ZNF638: variants seen among roughly 807,000 people sequenced by gnomAD.
ZNF638 encodes CTCL tumor antigen se33-1.
ZNF638 carries 46 observed loss-of-function variants against 195.6 expected under a neutral mutation model. The observed-to-expected ratio is 0.24, with a 90% CI of 0.19 to 0.30. ZNF638 has a LOEUF of 0.30. Among genes scored for constraint, ZNF638 ranks in the 10% least tolerant of loss-of-function variants. The pLI is 1.00. For synonymous variants in ZNF638, 845 were observed against 772.0 expected, an observed-to-expected ratio of 1.09 and a Z score of -1.57; for missense variants, 2,440 against 2,325.3, an observed-to-expected ratio of 1.05 and a Z score of -1.01.
chr2:71,365,763 C>T (rs2079185716), intron 6 of ZNF638, 57 bp downstream of exon 6: 1 of 1,464,716 alleles, frequency 6.8e-7, no homozygotes, highest in Non-Finnish European at 9.2e-7. Context: ...GTCATCCTCG[C>T]TGGACTGCAG....
At chr2:71,406,033 A>T in intron 18 of ZNF638, 95 bp from the exon 19 acceptor site, 1 of 1,441,352 alleles carries the variant, frequency 6.9e-7, no homozygotes, top group Non-Finnish European at 9.5e-7. Context: ...AGAGAACATC[A>T]TCTGACCTCT....
chr2:71,383,762 CTTTTTTTTTT>C (rs1181570876), intron 10 of ZNF638, among the ~76,000 whole-genome samples: 9 of 76,720 alleles, frequency 1.2e-4, no homozygotes, highest in Non-Finnish European at 1.9e-4. Flanking sequence ...TTTTCTTTTT[CTTTTTTTTTT>C]TTTTTTTTTA....
chr2:71,357,113 C>T (rs2079036755), intron 3 of ZNF638, among the ~76,000 whole-genome samples: 1 of 152,120 alleles, frequency 6.6e-6, no homozygotes, highest in South Asian at 2.1e-4. Context: ...TCGGGAGGTT[C>T]TGAGAATATA....
At chr2:71,418,888 T>G (rs1002948587) in intron 21 of ZNF638, among the ~76,000 whole-genome samples, 1 of 152,210 alleles carries the variant, frequency 6.6e-6, no homozygotes, top group Non-Finnish European at 1.5e-5. Flanking sequence ...ATAAACAGTT[T>G]GAATTAAATA....
chr2:71,368,557 C>T (rs1288564595), intron 7 of ZNF638, 29 bp downstream of exon 7: 2 of 1,607,206 alleles, frequency 1.2e-6, no homozygotes, highest in East Asian at 2.2e-5. Flanking sequence ...GGCAAAAATT[C>T]ATACAAAGTG....
intron 8 of ZNF638, chr2:71,375,228 T>G (rs1255472122): frequency 1.3e-5 from 2 of 152,220 alleles, no homozygotes; most frequent in African/African-American, 4.8e-5. Flanking sequence ...AATTTTATCA[T>G]TTAGGATTTC....
At chr2:71,403,568 C>T (rs544440666) in intron 16 of ZNF638, among the ~76,000 whole-genome samples, 1 of 152,196 alleles carries the variant, frequency 6.6e-6, no homozygotes, top group South Asian at 2.1e-4. Context: ...GCTCTATGTA[C>T]TAAGGATACA....
At chr2:71,393,679 C>T (rs537648525) in intron 10 of ZNF638, 17 of 710,976 alleles carry the variant, frequency 2.4e-5, no homozygotes, top group Non-Finnish European at 4.2e-5. Flanking sequence ...CCTTTTTATG[C>T]TCTCGCTTCC....
chr2:71,366,182 T>G (rs2079196285), intron 6 of ZNF638, among the ~76,000 whole-genome samples: 1 of 152,036 alleles, frequency 6.6e-6, no homozygotes, highest in Non-Finnish European at 1.5e-5. Flanking sequence ...GAACTCCCTC[T>G]CTACAAAAAA....
chr2:71,382,655 G>A (rs2542522), intron 10 of ZNF638, among the ~76,000 whole-genome samples: 11,283 of 152,244 alleles, frequency 0.074, 468 homozygotes, highest in Non-Finnish European at 0.099. Context: ...GGCTTAGGAT[G>A]TATCAGTGGA....
chr2:71,344,014 C>T (rs1343721595), intron 1 of ZNF638, among the ~76,000 whole-genome samples: 2 of 152,184 alleles, frequency 1.3e-5, no homozygotes, highest in Non-Finnish European at 1.5e-5. Context: ...CCTGTAGTCC[C>T]AGCTACTCAG....
chr2:71,353,705 C>G (rs1037573934), intron 2 of ZNF638, among the ~76,000 whole-genome samples: 2 of 152,206 alleles, frequency 1.3e-5, no homozygotes, highest in Admixed American at 1.3e-4. Context: ...TCCTGTATTA[C>G]TGTATCTTCC....
intron 10 of ZNF638, among the ~76,000 whole-genome samples, chr2:71,394,012 C>A (rs1209360543): frequency 2.6e-5 from 4 of 152,226 alleles, no homozygotes; most frequent in Admixed American, 2.0e-4. Context: ...GCAAGGCAAT[C>A]AGTGCCACTT....
At chr2:71,331,904 G>A (rs2078575389) in intron 1 of ZNF638, 29 bp downstream of exon 1, 5 of 986,498 alleles carry the variant, frequency 5.1e-6, no homozygotes, top group Non-Finnish European at 6.0e-6. Context: ...GGGGAGTAGG[G>A]GGTTGGAAGG....
intron 27 of ZNF638, among the ~76,000 whole-genome samples, chr2:71,434,265 G>C (rs962882381): frequency 6.6e-6 from 1 of 152,020 alleles, no homozygotes; most frequent in East Asian, 1.9e-4. Context: ...TTATACTGCT[G>C]TTCTTTTGCC....
chr2:71,380,112 A>AG (rs1358993929), intron 8 of ZNF638, 110 bp from the exon 9 acceptor site: 1 of 495,720 alleles, frequency 2.0e-6, no homozygotes. Context: ...AAATAGGAAA[A>AG]GGTAATAATC....
At chr2:71,388,242 T>A (rs1021785175) in intron 10 of ZNF638, among the ~76,000 whole-genome samples, 1 of 152,202 alleles carries the variant, frequency 6.6e-6, no homozygotes, top group Non-Finnish European at 1.5e-5. Flanking sequence ...TAAGGGCAAG[T>A]AGTAGGTAAC....
chr2:71,395,102 A>G (rs1387642751), intron 10 of ZNF638: 5 of 612,264 alleles, frequency 8.2e-6, no homozygotes, highest in Admixed American at 2.7e-5. Context: ...TAGAATCCCT[A>G]AACGCCATAG....
chr2:71,393,457 G>C, intron 10 of ZNF638: 1 of 718,220 alleles, frequency 1.4e-6, no homozygotes, highest in Non-Finnish European at 2.6e-6. Context: ...ACCCAACACA[G>C]TACCAGAAGT....
Sources: gnomAD v4.1 joint callset for allele counts (sites outside exome capture counted in the v4.1 genomes callset) on GRCh38, gnomAD v4.1.1 for gene constraint, MANE v1.5 for transcripts, NCBI Gene and HGNC (gene_info 2026-07-23, HGNC 2026-07-21) for gene names.